Variants in FHOD3 observed in about 807,000 individuals in gnomAD.
The protein encoded by FHOD3 is formin homology 2 domain containing 3.
In FHOD3, 90 loss-of-function variants were observed where a neutral mutation model predicts 173.0. That is an observed-to-expected ratio of 0.52 (90% CI 0.44 to 0.62). FHOD3 has a LOEUF of 0.62. FHOD3 is among the 20% of genes least tolerant of loss of function. FHOD3 has a pLI of 0.00. For missense variants in FHOD3, 1,945 were observed against 2,034.7 expected (o/e 0.96, Z 0.85); for synonymous variants, 828 against 823.0 (o/e 1.01, Z -0.10).
chr18:36,619,037 T>C (rs2148711271), intron 9 of FHOD3, among the ~76,000 whole-genome samples: 1 of 152,338 alleles, frequency 6.6e-6, no homozygotes, highest in East Asian at 1.9e-4. Context: ...CTATCTTGAC[T>C]CCATGCTTTC....
chr18:36,567,289 G>C (rs1382048819), intron 5 of FHOD3, among the ~76,000 whole-genome samples: 1 of 152,184 alleles, frequency 6.6e-6, no homozygotes, highest in East Asian at 1.9e-4. Flanking sequence ...AAGTAAAGAA[G>C]GGAGGAAGAG....
At chr18:36,663,472 C>T (rs1038753871) in intron 14 of FHOD3, among the ~76,000 whole-genome samples, 3 of 152,206 alleles carry the variant, frequency 2.0e-5, no homozygotes, top group Non-Finnish European at 4.4e-5. Context: ...TGGAATACAA[C>T]TGTGTCATGT....
intron 1 of FHOD3, among the ~76,000 whole-genome samples, chr18:36,352,545 A>G (rs2046180349): frequency 6.6e-6 from 1 of 152,156 alleles, no homozygotes; most frequent in Non-Finnish European, 1.5e-5. Context: ...TATTTATGCC[A>G]CATTCATGTG....
rs1413473936 is a variant in FHOD3 at position 36,687,150 on chromosome 18, G to A, written c.1993G>A (p.Glu665Lys). 2 of 1,611,724 alleles carry A rather than the reference G, an allele frequency of 1.2e-6. No individual in the cohort carries two copies. The highest frequency in any genetic ancestry group is 4.5e-5 in the East Asian group (2 of 44,804). ...KFSRDYLDKR[E>K]EQRQAREERY... ...TAGCCGAGATTATTTAGACAAAAGA[G>A]AGGAGCAAAGGCAAGCAAGAGAAGA... is the stretch of plus-strand genomic sequence containing the variant. Residue 665 changes from glutamate to lysine, a missense_variant, in exon 16 of 29, where the codon GAG (glutamate) becomes AAG (lysine). Around this residue, in one of 5 missense-constraint regions of FHOD3, gnomAD observed 1,099 missense variants for 1,051.2 expected, o/e 1.05. Coordinates refer to ENST00000590592, the MANE Select transcript of FHOD3 (RefSeq NM_001281740.3).
At chr18:36,328,295 C>T (rs1336518066) in intron 1 of FHOD3, among the ~76,000 whole-genome samples, 1 of 152,030 alleles carries the variant, frequency 6.6e-6, no homozygotes, top group African/African-American at 2.4e-5. Flanking sequence ...GAAGACAGGG[C>T]AATGGAGCAG....
chr18:36,339,991 G>A (rs919569174), intron 1 of FHOD3, among the ~76,000 whole-genome samples: 2 of 152,090 alleles, frequency 1.3e-5, no homozygotes, highest in Non-Finnish European at 2.9e-5. Flanking sequence ...ATGAAATAAT[G>A]CACCCCTTCC....
chr18:36,339,638 C>T, intron 1 of FHOD3, among the ~76,000 whole-genome samples: 1 of 152,284 alleles, frequency 6.6e-6, no homozygotes, highest in East Asian at 1.9e-4. Flanking sequence ...TTCTGCTGCT[C>T]TTTGCCCAGC....
intron 19 of FHOD3, among the ~76,000 whole-genome samples, chr18:36,729,233 G>A (rs2041229630): frequency 6.6e-6 from 1 of 152,176 alleles, no homozygotes; most frequent in Non-Finnish European, 1.5e-5. Flanking sequence ...TGTTACATGA[G>A]TCAAAATAGC....
At chr18:36,581,627 A>G (rs904146893) in intron 6 of FHOD3, among the ~76,000 whole-genome samples, 3 of 152,062 alleles carry the variant, frequency 2.0e-5, no homozygotes, top group Non-Finnish European at 4.4e-5. Flanking sequence ...CCCTACTCCT[A>G]TGTAGGCCTA....
chr18:36,546,804 T>C lies in FHOD3; in HGVS notation c.512-29647T>C, dbSNP rs532230104. ...CACAGCGTAGGCAGCGTGTGGAGTT[T>C]AGCAGGAATTTCATGGTAACACAGA... On this transcript the variant is annotated intron_variant, in intron 5 of 28. Coordinates refer to ENST00000590592, the MANE Select transcript of FHOD3 (RefSeq NM_001281740.3). Among the ~76,000 whole-genome samples the C allele has an allele frequency of 9.8e-5, 15 of 152,288 alleles. No homozygotes were observed. In the South Asian group the frequency reaches 3.1e-3, roughly 32 times the overall value.
intron 3 of FHOD3, among the ~76,000 whole-genome samples, chr18:36,467,338 T>G (rs2053003622): frequency 6.6e-6 from 1 of 152,182 alleles, no homozygotes; most frequent in Non-Finnish European, 1.5e-5. Flanking sequence ...GAAGAACATC[T>G]TCAACATTTT....
chr18:36,590,064 C>T (rs886791052), intron 6 of FHOD3, among the ~76,000 whole-genome samples: 1 of 152,144 alleles, frequency 6.6e-6, no homozygotes, highest in South Asian at 2.1e-4. Context: ...CCACTCGCCT[C>T]GTTTGTGACA....
At chr18:36,636,842 G>A (rs1244625579) in intron 10 of FHOD3, among the ~76,000 whole-genome samples, 2 of 152,068 alleles carry the variant, frequency 1.3e-5, no homozygotes, top group Non-Finnish European at 2.9e-5. Context: ...CATGCATGTG[G>A]GCAGGCCTTC....
At chr18:36,770,948 G>A (rs945089339) in intron 28 of FHOD3, among the ~76,000 whole-genome samples, 44 of 152,224 alleles carry the variant, frequency 2.9e-4, no homozygotes, top group African/African-American at 8.9e-4. Context: ...GAAAACTATC[G>A]TTCAGGGAGA....
intron 27 of FHOD3, among the ~76,000 whole-genome samples, chr18:36,762,880 T>C (rs1414921332): frequency 6.8e-6 from 1 of 147,784 alleles, no homozygotes; most frequent in African/African-American, 2.5e-5. Flanking sequence ...ATATAATATG[T>C]TAAATTTTAT....
intron 14 of FHOD3, among the ~76,000 whole-genome samples, chr18:36,660,838 C>T (rs78755518): frequency 6.6e-6 from 1 of 152,212 alleles, no homozygotes; most frequent in South Asian, 2.1e-4. Flanking sequence ...CACTGGGGAA[C>T]AGCAGTGGTG....
intron 24 of FHOD3, among the ~76,000 whole-genome samples, chr18:36,747,343 G>C (rs1423917755): frequency 6.6e-6 from 1 of 152,084 alleles, no homozygotes; most frequent in Non-Finnish European, 1.5e-5. Flanking sequence ...CCTCAAAGTT[G>C]GAAGGAATCT....
At chr18:36,669,514 T>C (rs9948989) in intron 14 of FHOD3, among the ~76,000 whole-genome samples, 2,944 of 152,024 alleles carry the variant, frequency 0.019, 98 homozygotes, top group African/African-American at 0.067. Context: ...TATTCTTGAT[T>C]AGTTCATTTT....
At chr18:36,512,108 C>A (rs769068125) in intron 4 of FHOD3, among the ~76,000 whole-genome samples, 1 of 152,216 alleles carries the variant, frequency 6.6e-6, no homozygotes, top group African/African-American at 2.4e-5. Context: ...CGTGGCCAGT[C>A]CCTTGGGACC....
Sources: allele counts gnomAD v4.1 joint callset (sites outside exome capture counted in the v4.1 genomes callset), GRCh38; gene constraint gnomAD v4.1.1; regional missense constraint gnomAD v4.1.1; transcripts MANE v1.5; gene names NCBI Gene and HGNC (gene_info 2026-07-23, HGNC 2026-07-21).